The following LOC122539214 variants were observed in gnomAD, a reference collection of about 807,000 sequenced individuals.
the LOC122539214 span, chr19:52,654,019 G>A: frequency 3.9e-6 from 6 of 1,557,826 alleles, no homozygotes; most frequent in Non-Finnish European, 5.3e-6. Context: ...TCTTTGGGAT[G>A]TTGAAACCAA....
At chr19:52,654,164 G>C in the LOC122539214 span, 1 of 1,603,894 alleles carries the variant, frequency 6.2e-7, no homozygotes, top group Non-Finnish European at 8.5e-7. Flanking sequence ...GCATGCCTTT[G>C]ATCACGTCGG....
chr19:52,667,087 G>A, the LOC122539214 span, among the ~76,000 whole-genome samples: 1 of 152,056 alleles, frequency 6.6e-6, no homozygotes, highest in Admixed American at 6.6e-5. Flanking sequence ...AACTTACAAC[G>A]TTTTCAACGA....
the LOC122539214 span, chr19:52,653,128 C>A: frequency 6.8e-7 from 1 of 1,464,808 alleles, no homozygotes; most frequent in Non-Finnish European, 9.5e-7. Flanking sequence ...AAAGGTCTTG[C>A]CACACTCATG....
the LOC122539214 span, chr19:52,660,748 G>T: frequency 4.8e-6 from 1 of 206,484 alleles, no homozygotes. Context: ...ATCCACTGAG[G>T]AATATCACTT....
chr19:52,680,970 T>C, the LOC122539214 span, among the ~76,000 whole-genome samples: 440 of 151,812 alleles, frequency 2.9e-3, 3 homozygotes, highest in African/African-American at 0.01. Context: ...TTATGGACAA[T>C]GTAAAAAATA....
At chr19:52,680,850 G>A in the LOC122539214 span, among the ~76,000 whole-genome samples, 1 of 150,674 alleles carries the variant, frequency 6.6e-6, no homozygotes, top group Non-Finnish European at 1.5e-5. Flanking sequence ...CTGACCTCGT[G>A]ATCCGCCCGC....
chr19:52,677,173 C>CA, the LOC122539214 span, among the ~76,000 whole-genome samples: 2 of 149,518 alleles, frequency 1.3e-5, no homozygotes, highest in Non-Finnish European at 3.0e-5. Flanking sequence ...AAGATACAAT[C>CA]AAAAAAACAA....
the LOC122539214 span, among the ~76,000 whole-genome samples, chr19:52,671,769 T>C: frequency 6.6e-6 from 1 of 152,210 alleles, no homozygotes; most frequent in Admixed American, 6.5e-5. Context: ...GTGTTTTCTT[T>C]GTTATTCTCT....
the LOC122539214 span, among the ~76,000 whole-genome samples, chr19:52,656,372 A>G: frequency 6.6e-6 from 1 of 151,854 alleles, no homozygotes; most frequent in South Asian, 2.1e-4. Flanking sequence ...AAATAGAAAA[A>G]TTAGCTGGGC....
At chr19:52,662,693 T>A in the LOC122539214 span, among the ~76,000 whole-genome samples, 1 of 152,132 alleles carries the variant, frequency 6.6e-6, no homozygotes, top group African/African-American at 2.4e-5. Flanking sequence ...CTGACTGAGC[T>A]TTTCTTGTCT....
chr19:52,687,181 C>CAA, the LOC122539214 span, among the ~76,000 whole-genome samples: 4 of 104,352 alleles, frequency 3.8e-5, no homozygotes, highest in Admixed American at 2.2e-4. Context: ...AACTCCATCT[C>CAA]AAAAAAAAAA....
At chr19:52,677,781 C>A in the LOC122539214 span, among the ~76,000 whole-genome samples, 2 of 152,002 alleles carry the variant, frequency 1.3e-5, no homozygotes, top group Non-Finnish European at 2.9e-5. Flanking sequence ...TGCCTGTAGT[C>A]CCAACACTTT....
chr19:52,680,841 T>A, the LOC122539214 span, among the ~76,000 whole-genome samples: 1 of 150,886 alleles, frequency 6.6e-6, no homozygotes, highest in Non-Finnish European at 1.5e-5. Context: ...CTCGATCTCC[T>A]GACCTCGTGA....
chr19:52,650,899 G>A, the LOC122539214 span: 2 of 152,234 alleles, frequency 1.3e-5, no homozygotes, highest in East Asian at 3.9e-4. Context: ...GTCAAGGGAG[G>A]GAAATTGAAG....
chr19:52,654,608 T>C, the LOC122539214 span, among the ~76,000 whole-genome samples: 1 of 152,090 alleles, frequency 6.6e-6, no homozygotes, highest in African/African-American at 2.4e-5. Context: ...TCCCAGCTAC[T>C]CAGGACGCTG....
the LOC122539214 span, among the ~76,000 whole-genome samples, chr19:52,683,130 A>G: frequency 6.6e-5 from 10 of 152,228 alleles, no homozygotes; most frequent in South Asian, 1.9e-3. Flanking sequence ...TTGGCCTCCC[A>G]AAGTGCTGGC....
the LOC122539214 span, among the ~76,000 whole-genome samples, chr19:52,658,690 TA>T: frequency 6.6e-6 from 1 of 152,218 alleles, no homozygotes; most frequent in African/African-American, 2.4e-5. Context: ...ACCCGGTTCT[TA>T]CCTTAGAGCA....
chr19:52,654,100 G>A, the LOC122539214 span: 1 of 1,604,480 alleles, frequency 6.2e-7, no homozygotes, highest in Non-Finnish European at 8.5e-7. Flanking sequence ...GTGCAGTTCA[G>A]GCAGATGTGA....
chr19:52,679,006 T>C, the LOC122539214 span, among the ~76,000 whole-genome samples: 4 of 150,696 alleles, frequency 2.7e-5, no homozygotes, highest in South Asian at 2.1e-4. Flanking sequence ...CACTAAAATA[T>C]AGGGATTTCA....
Sources: gnomAD v4.1 joint callset for allele counts (sites outside exome capture counted in the v4.1 genomes callset) on GRCh38, gnomAD v4.1.1 for gene constraint, MANE v1.5 for transcripts.